Variants in GLMN observed in about 807,000 individuals in gnomAD.
GLMN encodes the protein glomulin.
GLMN carries 75 observed loss-of-function variants against 87.8 expected under a neutral mutation model. The observed-to-expected ratio is 0.85, with a 90% CI of 0.71 to 1.04. GLMN has a LOEUF of 1.04. Ranked by LOEUF, GLMN falls within the 50% of genes least tolerant of loss-of-function variation. The pLI is 0.00. For synonymous variants in GLMN, 206 were observed against 221.6 expected, an observed-to-expected ratio of 0.93 and a Z score of 0.63; for missense variants, 588 against 658.8, an observed-to-expected ratio of 0.89 and a Z score of 1.18.
At chr1:92,261,822 C>CGGAGTGATAGACAGAGGGG (rs1553136965) in intron 16 of GLMN, among the ~76,000 whole-genome samples, 1 of 150,338 alleles carries the variant, frequency 6.7e-6, no homozygotes, top group East Asian at 2.0e-4. Context: ...AATAGACTGA[C>CGGAGTGATAGACAGAGGGG]GGAGTGATAG....
At chr1:92,287,734 T>TA (rs1380303116) in intron 6 of GLMN, among the ~76,000 whole-genome samples, 1 of 152,026 alleles carries the variant, frequency 6.6e-6, no homozygotes, top group Non-Finnish European at 1.5e-5. Flanking sequence ...TTCTATTTTT[T>TA]AGAGACGAGG....
intron 8 of GLMN, among the ~76,000 whole-genome samples, chr1:92,270,629 CTTA>C (rs553971557): frequency 1.5e-3 from 224 of 152,096 alleles, no homozygotes; most frequent in African/African-American, 5.2e-3. Context: ...ATACACAATC[CTTA>C]TTATCATAGA....
chr1:92,269,566 A>G (rs1656014827), intron 9 of GLMN, among the ~76,000 whole-genome samples, 157 bp downstream of exon 9: 1 of 152,174 alleles, frequency 6.6e-6, no homozygotes, highest in Non-Finnish European at 1.5e-5. Context: ...TCCTTGACTC[A>G]TTTCTGTCTC....
intron 3 of GLMN, among the ~76,000 whole-genome samples, chr1:92,296,065 T>C (rs1255051123): frequency 1.3e-5 from 2 of 152,088 alleles, no homozygotes; most frequent in African/African-American, 4.8e-5. Context: ...ATAAGAAGGG[T>C]ATAAGCCATT....
the GLMN span, among the ~76,000 whole-genome samples, chr1:92,329,079 T>A: frequency 6.6e-6 from 1 of 152,010 alleles, no homozygotes; most frequent in Non-Finnish European, 1.5e-5. Flanking sequence ...CTTAATTGTA[T>A]TTTTTTTAAG....
intron 5 of GLMN, 36 bp from the exon 6 acceptor site, chr1:92,289,187 G>A (rs1570966041): frequency 1.7e-6 from 2 of 1,188,474 alleles, no homozygotes; most frequent in Non-Finnish European, 2.5e-6. Context: ...CATCAAGTAT[G>A]CTAAACATGG....
At chr1:92,266,855 T>G (rs1162616005) in intron 11 of GLMN, 114 bp from the exon 12 acceptor site, 9 of 688,720 alleles carry the variant, frequency 1.3e-5, no homozygotes, top group Non-Finnish European at 2.0e-5. Context: ...GGTAGGAGAT[T>G]TAAAAGTGAA....
At chr1:92,283,281 C>T (rs1465957866) in intron 7 of GLMN, among the ~76,000 whole-genome samples, 4 of 152,246 alleles carry the variant, frequency 2.6e-5, no homozygotes, top group Admixed American at 6.5e-5. Context: ...ACAATCAAGT[C>T]GGCTTCTTCC....
chr1:92,271,319 G>A (rs1443500202), intron 8 of GLMN, 146 bp downstream of exon 8: 1 of 692,062 alleles, frequency 1.4e-6, no homozygotes, highest in African/African-American at 1.8e-5. Context: ...ACAGATTATA[G>A]CTGGGATCAT....
the GLMN span, chr1:92,320,709 T>G: frequency 8.3e-7 from 1 of 1,211,178 alleles, no homozygotes; most frequent in Admixed American, 1.8e-5. Context: ...CCAGGTGATA[T>G]GAGCTCTTGG....
intron 7 of GLMN, among the ~76,000 whole-genome samples, chr1:92,276,610 C>A (rs576042303): frequency 6.6e-6 from 1 of 152,112 alleles, no homozygotes; most frequent in Non-Finnish European, 1.5e-5. Flanking sequence ...TTCAGTGAGC[C>A]GACATCATGC....
the GLMN span, among the ~76,000 whole-genome samples, chr1:92,317,629 T>G: frequency 6.6e-6 from 1 of 152,196 alleles, no homozygotes. Flanking sequence ...GTGGCGATAG[T>G]TGCACAACAG....
upstream of GLMN, among the ~76,000 whole-genome samples, chr1:92,299,408 G>A (rs751823827): frequency 1.6e-4 from 24 of 152,134 alleles, no homozygotes; most frequent in Non-Finnish European, 3.2e-4. Context: ...GACAGTGGAG[G>A]CCCCGGGAAC....
At chr1:92,259,732 C>CTTTTTT (rs58390058) in intron 16 of GLMN, among the ~76,000 whole-genome samples, 111 of 108,234 alleles carry the variant, frequency 1.0e-3, no homozygotes, top group East Asian at 2.6e-3. Context: ...TTTTTTCTTT[C>CTTTTTT]TTTTTTTTTT....
rs764580289 is a variant in GLMN at position 92,267,990 on chromosome 1, T to C, written c.1021A>G (p.Asn341Asp). Residue 341 changes from asparagine (N) to aspartate (D), a missense_variant, in exon 11 of 19, where the codon AAT becomes GAT. By Grantham distance (23) the Asn-to-Asp change is conservative. Coordinates refer to ENST00000370360, the MANE Select transcript of GLMN (RefSeq NM_053274.3). ...TTGTCTTCTATTCTCAATAAACTAT[T>C]CTCCAGCAGCTCCTACAGATTAAAA... is the stretch of plus-strand genomic sequence containing the variant. The part of the protein sequence containing the change: ...VISKGLELLE[N>D]SLLRIEDNSL... 1.9e-6 allele frequency: 3 copies of C among 1,565,058 alleles called. No individual in the cohort carries two copies. The South Asian group carries it at 3.3e-5, about 17-fold the overall frequency.
chr1:92,311,051 A>G, the GLMN span, among the ~76,000 whole-genome samples: 53 of 152,350 alleles, frequency 3.5e-4, no homozygotes, highest in Non-Finnish European at 5.4e-4. Flanking sequence ...TACTACATGA[A>G]ATGCCTCTGA....
At chr1:92,269,115 T>C (rs1028663516) in intron 9 of GLMN, among the ~76,000 whole-genome samples, 1 of 151,836 alleles carries the variant, frequency 6.6e-6, no homozygotes, top group African/African-American at 2.4e-5. Context: ...AGAGAGAGAC[T>C]GGTTTCGAAC....
chr1:92,343,414 A>G, the GLMN span, among the ~76,000 whole-genome samples: 2 of 152,326 alleles, frequency 1.3e-5, no homozygotes, highest in East Asian at 3.9e-4. Flanking sequence ...ACTACTGAGG[A>G]CAGATCTGGA....
At chr1:92,298,186 G>A (rs966778431) in intron 1 of GLMN, among the ~76,000 whole-genome samples, 157 bp from the exon 2 acceptor site, 1 of 152,156 alleles carries the variant, frequency 6.6e-6, no homozygotes, top group Non-Finnish European at 1.5e-5. Flanking sequence ...AGGAGAAAAT[G>A]TAAAGTTTTA....
Sources: allele counts gnomAD v4.1 joint callset (sites outside exome capture counted in the v4.1 genomes callset), GRCh38; gene constraint gnomAD v4.1.1; transcripts MANE v1.5; gene names NCBI Gene and HGNC (gene_info 2026-07-23, HGNC 2026-07-21).